The following TLL1 variants were observed in gnomAD, a reference collection of about 807,000 sequenced individuals.
The protein encoded by TLL1 is tolloid-like protein 1.
TLL1 carries 49 observed loss-of-function variants against 128.2 expected under a neutral mutation model. The observed-to-expected ratio is 0.38, with a 90% CI of 0.30 to 0.48. The LOEUF is 0.48. TLL1 is among the 20% of genes least tolerant of loss of function. The pLI is 0.96. For missense variants in TLL1, 1,123 were observed against 1,242.0 expected, an observed-to-expected ratio of 0.90 and a Z score of 1.44; for synonymous variants, 454 against 418.8, an observed-to-expected ratio of 1.08 and a Z score of -1.03.
intron 8 of TLL1, among the ~76,000 whole-genome samples, chr4:166,020,780 T>C (rs372206335): frequency 4.6e-5 from 7 of 152,316 alleles, no homozygotes; most frequent in Middle Eastern, 6.8e-3. Context: ...TTATGTCAAG[T>C]AACATAGTGA....
intron 18 of TLL1, among the ~76,000 whole-genome samples, chr4:166,080,525 G>A (rs894874283): frequency 2.6e-5 from 4 of 152,026 alleles, no homozygotes; most frequent in Non-Finnish European, 4.4e-5. Context: ...CCATGTGCTC[G>A]AGTCTGTTCT....
intron 1 of TLL1, among the ~76,000 whole-genome samples, chr4:165,903,397 G>T (rs1732089697): frequency 6.6e-6 from 1 of 150,734 alleles, no homozygotes; most frequent in South Asian, 2.1e-4. Context: ...TTCTAAAAGG[G>T]TAGATCTTTT....
chr4:165,906,664 A>G (rs72695713), intron 1 of TLL1, among the ~76,000 whole-genome samples: 1 of 152,274 alleles, frequency 6.6e-6, no homozygotes, highest in East Asian at 1.9e-4. Flanking sequence ...TAATTATTGC[A>G]GTTTTTCAGG....
chr4:166,102,043 C>T lies in TLL1; in HGVS notation c.*1167C>T, dbSNP rs1742314297. On this transcript the variant is annotated 3_prime_UTR_variant, in exon 21 of 21. Coordinates refer to ENST00000061240, the MANE Select transcript of TLL1 (RefSeq NM_012464.5). Reference sequence around the variant, plus strand: ...CAACCCACCCGTAGACTACGAATGTCTCCCTATGGCTGGTAGCATTTGAAG... The same window carrying T: ...CAACCCACCCGTAGACTACGAATGTTTCCCTATGGCTGGTAGCATTTGAAG... The T allele has an allele frequency of 6.6e-6, 1 of 152,386 alleles. No homozygotes were observed. The highest frequency in any genetic ancestry group is 1.5e-5 in the Non-Finnish European group (1 of 67,940). 9.4% of individuals were successfully genotyped at this position (152,386 alleles called of 1,614,324 possible).
chr4:166,071,502 C>CT (rs145489617), intron 16 of TLL1, among the ~76,000 whole-genome samples: 2,514 of 151,940 alleles, frequency 0.017, 32 homozygotes, highest in Middle Eastern at 0.037. Flanking sequence ...AAGTAAAACA[C>CT]TTTTTTTCTT....
At chr4:165,923,945 A>G (rs1202540481) in intron 1 of TLL1, among the ~76,000 whole-genome samples, 1 of 152,086 alleles carries the variant, frequency 6.6e-6, no homozygotes, top group Non-Finnish European at 1.5e-5. Flanking sequence ...TCTGGGATTG[A>G]TGATCTTTGA....
intron 19 of TLL1, among the ~76,000 whole-genome samples, chr4:166,097,041 C>G (rs1353985796): frequency 2.0e-5 from 3 of 152,012 alleles, no homozygotes; most frequent in Non-Finnish European, 4.4e-5. Flanking sequence ...ATGCCAGGCA[C>G]CTTTCAAGCA....
At chr4:166,099,248 T>C (rs1742167453) in intron 19 of TLL1, 29 bp from the exon 20 acceptor site, 1 of 1,613,242 alleles carries the variant, frequency 6.2e-7, no homozygotes, top group African/African-American at 1.3e-5. Context: ...TCATTGACCT[T>C]ACTCATCTTA....
At chr4:166,040,419 G>T (rs1392855433) in intron 10 of TLL1, among the ~76,000 whole-genome samples, 1 of 152,126 alleles carries the variant, frequency 6.6e-6, no homozygotes, top group East Asian at 1.9e-4. Context: ...ACAAGCCAAA[G>T]AAAATATTTC....
intron 18 of TLL1, among the ~76,000 whole-genome samples, chr4:166,087,521 C>T (rs867098479): frequency 2.0e-5 from 3 of 152,110 alleles, no homozygotes; most frequent in African/African-American, 7.2e-5. Flanking sequence ...TGAAAGATGG[C>T]TGGGACTGGG....
intron 9 of TLL1, among the ~76,000 whole-genome samples, chr4:166,027,785 A>T (rs893120618): frequency 2.0e-5 from 3 of 152,182 alleles, no homozygotes; most frequent in African/African-American, 4.8e-5. Context: ...AGGTTAATCA[A>T]ATTAAATTGT....
chr4:165,986,853 G>T (rs547001711), intron 1 of TLL1, among the ~76,000 whole-genome samples: 3 of 152,134 alleles, frequency 2.0e-5, no homozygotes, highest in African/African-American at 7.2e-5. Context: ...TTTATTTTAT[G>T]TGTACTGCTT....
At chr4:165,959,975 A>G (rs1460733777) in intron 1 of TLL1, among the ~76,000 whole-genome samples, 2 of 152,140 alleles carry the variant, frequency 1.3e-5, no homozygotes, top group Admixed American at 6.6e-5. Context: ...ACAGAAGAAA[A>G]TAAATGACTA....
intron 1 of TLL1, among the ~76,000 whole-genome samples, chr4:165,979,966 G>A (rs1235946342): frequency 7.9e-5 from 12 of 152,052 alleles, no homozygotes; most frequent in Admixed American, 5.2e-4. Flanking sequence ...GATAATGAAC[G>A]TGACAATCAG....
intron 16 of TLL1, 30 bp downstream of exon 16, chr4:166,065,893 A>T: frequency 7.2e-7 from 1 of 1,395,912 alleles, no homozygotes; most frequent in Non-Finnish European, 9.4e-7. Context: ...GTATGTGTAT[A>T]TTACAGATTT....
At chr4:165,889,826 G>T (rs943038480) in intron 1 of TLL1, among the ~76,000 whole-genome samples, 20 of 152,234 alleles carry the variant, frequency 1.3e-4, no homozygotes, top group Admixed American at 5.2e-4. Flanking sequence ...TTTAAAATAA[G>T]TTGAATTGAT....
At chr4:166,036,195 C>A (rs1738990722) in intron 9 of TLL1, among the ~76,000 whole-genome samples, 1 of 152,112 alleles carries the variant, frequency 6.6e-6, no homozygotes, top group Non-Finnish European at 1.5e-5. Flanking sequence ...TCTCTGGAGA[C>A]TCACAGACAC....
chr4:166,063,709 G>C (rs1740441723), intron 15 of TLL1, among the ~76,000 whole-genome samples: 1 of 152,096 alleles, frequency 6.6e-6, no homozygotes, highest in African/African-American at 2.4e-5. Flanking sequence ...GATGAAGCTG[G>C]AAACCATCAT....
chr4:165,919,551 T>G (rs1454684127), intron 1 of TLL1, among the ~76,000 whole-genome samples: 2 of 152,130 alleles, frequency 1.3e-5, no homozygotes. Flanking sequence ...ACTTTCTGTG[T>G]ATTCCATAAT....
Sources: gnomAD v4.1 joint callset for allele counts (sites outside exome capture counted in the v4.1 genomes callset) on GRCh38, gnomAD v4.1.1 for gene constraint, MANE v1.5 for transcripts, NCBI Gene and HGNC (gene_info 2026-07-23, HGNC 2026-07-21) for gene names.